CYBB: variants seen among roughly 807,000 people sequenced by gnomAD.
CYBB encodes the protein cytochrome b-245 beta chain.
In CYBB, 5 loss-of-function variants were observed where a neutral mutation model predicts 46.5. That is an observed-to-expected ratio of 0.11 (90% CI 0.06 to 0.23). CYBB has a LOEUF of 0.23. CYBB is among the 10% of genes least tolerant of loss of function. The pLI is 1.00. For missense variants in CYBB, 307 were observed against 428.3 expected, an observed-to-expected ratio of 0.72 and a Z score of 2.50; for synonymous variants, 183 against 156.7, an observed-to-expected ratio of 1.17 and a Z score of -1.26.
chrX:37,781,374 A>G (rs1332195899), intron 1 of CYBB, among the ~76,000 whole-genome samples: 1 of 112,547 alleles, frequency 8.9e-6, no homozygotes, highest in Non-Finnish European at 1.9e-5. Context: ...CTTTGTAAAG[A>G]GAGAATATTA....
At chrX:37,785,485 A>G (rs989748161) in intron 3 of CYBB, among the ~76,000 whole-genome samples, 49 of 112,580 alleles carry the variant, frequency 4.4e-4, no homozygotes, top group African/African-American at 1.5e-3. Context: ...TGAGCCACCT[A>G]TTGTAAAGTA....
intron 1 of CYBB, among the ~76,000 whole-genome samples, chrX:37,780,826 A>G (rs782584769): frequency 1.8e-5 from 2 of 111,452 alleles, no homozygotes; most frequent in Non-Finnish European, 3.8e-5. Flanking sequence ...TTTTAAAACA[A>G]AGAAAATCAA....
rs1435382128 is a variant in CYBB at position 37,813,150 on chromosome X, CT to C, written c.*2239del. The C allele has an allele frequency of 9.3e-6, 1 of 107,450 alleles. No individual in the cohort carries two copies. The highest frequency in any genetic ancestry group is 3.4e-5 in the African/African-American group (1 of 29,110). The allele number at this position is 107,450 out of a possible 1,213,427, so 8.9% of individuals were successfully genotyped here. A position where few individuals can be genotyped will look rare whatever the true frequency, so the allele number is the denominator to read the frequency against. On this transcript the variant is annotated 3_prime_UTR_variant, in exon 13 of 13. Transcript: ENST00000378588. ...GAGTGCTTGTCATTATAAAAGTTTC[CT>C]TTTTTATTCTCTCAAGCCACCAGCT... is the stretch of plus-strand genomic sequence containing the variant.
chrX:37,789,241 C>T, intron 3 of CYBB, among the ~76,000 whole-genome samples: 1 of 111,253 alleles, frequency 9.0e-6, no homozygotes, highest in Non-Finnish European at 1.9e-5. Context: ...TTTGTTGGCC[C>T]AGATAATCTC....
At chrX:37,791,376 A>G (rs1468738444) in intron 3 of CYBB, among the ~76,000 whole-genome samples, 1 of 112,261 alleles carries the variant, frequency 8.9e-6, no homozygotes, top group Non-Finnish European at 1.9e-5. Context: ...TAGTCAATGC[A>G]TGTAAAACAG....
intron 11 of CYBB, among the ~76,000 whole-genome samples, chrX:37,808,281 CATGGTGGAA>C (rs1929604729): frequency 8.9e-6 from 1 of 112,206 alleles, no homozygotes; most frequent in Admixed American, 9.5e-5. Flanking sequence ...TGTGTTTTCA[CATGGTGGAA>C]AGAAAAAGGG....
chrX:37,792,097 C>A, intron 4 of CYBB, 38 bp downstream of exon 4: 1 of 935,650 alleles, frequency 1.1e-6, no homozygotes, highest in Non-Finnish European at 1.5e-6. Context: ...CAGGGAGTTC[C>A]CTCTATTCAT....
At chrX:37,797,403 T>C (rs1929336574) in intron 6 of CYBB, among the ~76,000 whole-genome samples, 1 of 111,902 alleles carries the variant, frequency 8.9e-6, no homozygotes, top group South Asian at 3.7e-4. Flanking sequence ...CAGATACTCA[T>C]CTTCCTTTGA....
In CYBB at chrX:37,783,597, T is replaced by G; in HGVS notation, c.249T>G (p.Ser83Arg). The change falls in exon 3 of 13, where the codon AGT (serine) becomes AGG (arginine). Residue 83 changes from serine to arginine, a missense_variant. Transcript: ENST00000378588. ...TGCTGTCCTTCCTCAGGGGTTCCAG[T>G]GCGGTAAGAGAAAATGTTTTACTAA... Reference protein sequence around the residue: ...RNLLSFLRGSSACCSTRVRRQ... With the variant: ...RNLLSFLRGSRACCSTRVRRQ... The G allele has an allele frequency of 1.7e-6, 2 of 1,165,300 alleles. No individual in the cohort carries two copies. Among genetic ancestry groups the G allele is most frequent in the Non-Finnish European group, 2.3e-6 (2 of 853,339 alleles).
Position 37,792,358 on chromosome X carries a change from T to A in CYBB, c.337+299T>A, listed in dbSNP as rs192745033. Among the ~76,000 whole-genome samples the A allele has an allele frequency of 4.0e-3, 446 of 111,300 alleles. 2 individuals are homozygous for A. Among genetic ancestry groups the A allele is most frequent in the Middle Eastern group, 0.019 (4 of 214 alleles). Reference sequence around the variant, plus strand: ...TTGCTATTCTTTCTAGTGTCAAAAATGTTAATTCACTCATGAAAACTTATT... The same window carrying A: ...TTGCTATTCTTTCTAGTGTCAAAAAAGTTAATTCACTCATGAAAACTTATT... On this transcript the variant is annotated intron_variant, in intron 4 of 12. Coordinates refer to ENST00000378588, the MANE Select transcript of CYBB (RefSeq NM_000397.4).
rs1347241869 is a variant in CYBB at position 37,783,561 on chromosome X, C to T, written c.213C>T (p.Val71=). The part of the protein sequence containing the change: ...NFNCMLILLP[V]CRNLLSFLRG... ...ACTGCATGCTGATTCTCTTGCCAGT[C>T]TGTCGAAATCTGCTGTCCTTCCTCA... Residue 71 remains valine, a synonymous_variant, in exon 3 of 13, where the codon GTC becomes GTT. Coordinates refer to ENST00000378588, the MANE Select transcript of CYBB (RefSeq NM_000397.4). 12 of 1,204,616 alleles carry T rather than the reference C, an allele frequency of 1.0e-5. No individual in the cohort carries two copies. Among genetic ancestry groups the T allele is most frequent in the Non-Finnish European group, 1.3e-5 (12 of 890,145 alleles).
chrX:37,783,876 A>C (rs1385935423), intron 3 of CYBB, among the ~76,000 whole-genome samples: 1 of 111,513 alleles, frequency 9.0e-6, no homozygotes, highest in Non-Finnish European at 1.9e-5. Context: ...ACACACACAC[A>C]CATATATATA....
At chrX:37,782,776 C>T (rs1253662647) in intron 2 of CYBB, among the ~76,000 whole-genome samples, 1 of 111,166 alleles carries the variant, frequency 9.0e-6, no homozygotes, top group Non-Finnish European at 1.9e-5. Context: ...TCTGTTACAT[C>T]ATGCTGAAAC....
chrX:37,799,772 C>T (rs375860139), intron 7 of CYBB, among the ~76,000 whole-genome samples: 1 of 111,572 alleles, frequency 9.0e-6, no homozygotes, highest in South Asian at 3.7e-4. Context: ...GCCTTGTAAT[C>T]TTCATATCAT....
chrX:37,801,466 T>C (rs1929437038), intron 8 of CYBB, 118 bp downstream of exon 8: 1 of 562,964 alleles, frequency 1.8e-6, no homozygotes, highest in Admixed American at 2.4e-5. Context: ...CTACAATTTA[T>C]TTCAATTTAC....
chrX:37,784,693 G>T (rs1320371061), intron 3 of CYBB, among the ~76,000 whole-genome samples: 2 of 110,892 alleles, frequency 1.8e-5, no homozygotes, highest in Admixed American at 9.6e-5. Flanking sequence ...TAGCTTCTAG[G>T]TTTTTTTTAA....
At chrX:37,785,708 G>A (rs1322067947) in intron 3 of CYBB, among the ~76,000 whole-genome samples, 4 of 111,234 alleles carry the variant, frequency 3.6e-5, no homozygotes, top group African/African-American at 9.8e-5. Context: ...CCTGCCTGGC[G>A]AGTTCCTTGT....
chrX:37,808,058 A>G (rs909672685), intron 11 of CYBB, among the ~76,000 whole-genome samples: 2 of 112,399 alleles, frequency 1.8e-5, no homozygotes, highest in Non-Finnish European at 3.8e-5. Context: ...ATGAGTGAGG[A>G]GCTAAGGCAA....
chrX:37,795,855 T>A (rs1031242549), intron 5 of CYBB, 96 bp from the exon 6 acceptor site: 5 of 647,491 alleles, frequency 7.7e-6, no homozygotes, highest in Non-Finnish European at 9.9e-6. Context: ...ATAATAGTCC[T>A]GCATTTGAGA....
Sources: gnomAD v4.1 joint callset for allele counts (sites outside exome capture counted in the v4.1 genomes callset) on GRCh38, gnomAD v4.1.1 for gene constraint, MANE v1.5 for transcripts, NCBI Gene and HGNC (gene_info 2026-07-23, HGNC 2026-07-21) for gene names.